NSD1: variants seen among roughly 807,000 people sequenced by gnomAD.
NSD1 encodes the protein histone-lysine N-methyltransferase, H3 lysine-36 specific.
A neutral mutation model predicts 242.7 loss-of-function variants in NSD1; 26 were observed. The observed-to-expected ratio is 0.11, with a 90% CI of 0.08 to 0.15. NSD1 has a LOEUF of 0.15. NSD1 is among the 10% of genes least tolerant of loss of function. The pLI, the probability that NSD1 is intolerant of heterozygous loss-of-function variation, is 1.00. For synonymous variants in NSD1, 1,106 were observed against 1,178.1 expected (o/e 0.94, Z 1.25); for missense variants, 2,495 against 3,272.8 (o/e 0.76, Z 5.80).
intron 17 of NSD1, among the ~76,000 whole-genome samples, chr5:177,276,649 C>G (rs543219785): frequency 6.8e-4 from 104 of 152,130 alleles, no homozygotes; most frequent in African/African-American, 2.4e-3. Flanking sequence ...TTTTCTCCCC[C>G]CCTTTATTAG....
chr5:177,260,252 T>C lies in NSD1; in HGVS notation c.5146+84T>C, dbSNP rs141637983. The C allele has an allele frequency of 1.1e-3, 1,383 of 1,300,054 alleles. 11 individuals carry two copies. The African/African-American group carries it at 0.015, about 14-fold the overall frequency. The allele number at this position is 1,300,054 out of a possible 1,614,324, so 80.5% of individuals were successfully genotyped here. ...ATTGGAACAAAAATACTTTTCATCA[T>C]ATTGCCACTGGAAAAAATATTAGAA... On this transcript the variant is annotated intron_variant, in intron 14 of 22. Transcript: ENST00000439151.
intron 14 of NSD1, among the ~76,000 whole-genome samples, chr5:177,263,032 A>G (rs1457445169): frequency 6.6e-6 from 1 of 152,126 alleles, no homozygotes; most frequent in African/African-American, 2.4e-5. Context: ...ATGACCTGGA[A>G]CCCCAACCCC....
At chr5:177,246,545 C>A (rs934478370) in intron 9 of NSD1, 133 bp from the exon 10 acceptor site, 3 of 705,996 alleles carry the variant, frequency 4.2e-6, no homozygotes, top group Non-Finnish European at 7.9e-6. Flanking sequence ...ATTATTATTT[C>A]CCCCGTTTTC....
rs1235429660 is a variant in NSD1, at chr5:177,135,195, CT to C, written c.95del (p.Phe32SerfsTer50). On this transcript the variant is annotated frameshift_variant, in exon 2 of 23. Transcript: ENST00000439151. LOFTEE classifies it high-confidence loss of function. ...NLDAPEDKDSPFGNGQSNFSE... is the reference protein window; with the variant it reads ...NLDAPEDKDSXFGNGQSNFSE... ...GATGCCCCTGAAGACAAGGACAGCC[CT>C]TTCGGTAATGGTCAATCCAATTTTT... 6.2e-7 allele frequency: 1 copy of C among 1,613,938 alleles called. No individual in the cohort carries two copies. The highest frequency in any genetic ancestry group is 1.1e-5 in the South Asian group (1 of 91,076).
upstream of NSD1, chr5:177,133,697 C>A (rs1360570475): frequency 6.7e-6 from 1 of 148,536 alleles, no homozygotes; most frequent in African/African-American, 2.4e-5. This position sits in a 1 kb window ranked among gnomAD's most constrained non-coding sequence, Gnocchi z 6.2. Flanking sequence ...GGGGCCCAGC[C>A]GCACGCGGGC....
At chr5:177,239,025 C>T (rs779612690) in intron 7 of NSD1, among the ~76,000 whole-genome samples, 2 of 152,166 alleles carry the variant, frequency 1.3e-5, no homozygotes, top group Non-Finnish European at 2.9e-5. Context: ...TTATATATCA[C>T]CTGGGGAGAG....
At chr5:177,177,671 A>G (rs555478494) in intron 2 of NSD1, among the ~76,000 whole-genome samples, 3 of 152,064 alleles carry the variant, frequency 2.0e-5, no homozygotes, top group Admixed American at 1.3e-4. Flanking sequence ...AAAAAATATC[A>G]GTATTAGATT....
chr5:177,222,679 A>C (rs1049840813), intron 5 of NSD1, among the ~76,000 whole-genome samples: 1 of 152,086 alleles, frequency 6.6e-6, no homozygotes, highest in Non-Finnish European at 1.5e-5. Flanking sequence ...ACTATATTTT[A>C]ATTGGGGCTT....
At chr5:177,173,291 C>CA (rs60043429) in intron 2 of NSD1, among the ~76,000 whole-genome samples, 75 of 96,924 alleles carry the variant, frequency 7.7e-4, no homozygotes, top group Middle Eastern at 5.6e-3. Flanking sequence ...GACTCTGTCT[C>CA]AAAAAAAAAA....
intron 2 of NSD1, among the ~76,000 whole-genome samples, chr5:177,178,259 T>A (rs1255345285): frequency 6.6e-6 from 1 of 152,044 alleles, no homozygotes; most frequent in Admixed American, 6.6e-5. Context: ...GGAGTTTTGC[T>A]GTTGTTGCCT....
intron 5 of NSD1, among the ~76,000 whole-genome samples, chr5:177,222,276 G>A (rs1342295163): frequency 2.0e-5 from 3 of 152,026 alleles, no homozygotes; most frequent in South Asian, 4.2e-4. Flanking sequence ...CTACAGGCGC[G>A]CACCACCACG....
intron 17 of NSD1, among the ~76,000 whole-genome samples, chr5:177,274,126 C>T (rs1346932514): frequency 6.6e-6 from 1 of 152,056 alleles, no homozygotes; most frequent in Non-Finnish European, 1.5e-5. Flanking sequence ...TACACTCAAG[C>T]CTGGGCGACA....
At chr5:177,240,536 AC>A (rs1160767063) in intron 8 of NSD1, among the ~76,000 whole-genome samples, 2 of 150,954 alleles carry the variant, frequency 1.3e-5, no homozygotes, top group African/African-American at 2.4e-5. Context: ...ACATGGAGAA[AC>A]CCCCTCTCTA....
At chr5:177,250,746 C>T (rs1018020712) in intron 11 of NSD1, among the ~76,000 whole-genome samples, 2 of 152,130 alleles carry the variant, frequency 1.3e-5, no homozygotes, top group African/African-American at 4.8e-5. Context: ...TCCAGGCTAC[C>T]TCTCTAACCT....
At chr5:177,239,377 G>A (rs1379222851) in intron 7 of NSD1, among the ~76,000 whole-genome samples, 1 of 152,182 alleles carries the variant, frequency 6.6e-6, no homozygotes, top group African/African-American at 2.4e-5. Flanking sequence ...CTTAGGGGCA[G>A]AGCAGAAACT....
At chr5:177,239,994 A>G (rs758978095) in intron 8 of NSD1, 129 bp downstream of exon 8, 10 of 632,944 alleles carry the variant, frequency 1.6e-5, no homozygotes, top group Non-Finnish European at 2.8e-5. Context: ...GTCAGCAGTC[A>G]TACATGATCT....
chr5:177,159,690 CG>C (rs1758577112), intron 2 of NSD1, among the ~76,000 whole-genome samples: 1 of 150,614 alleles, frequency 6.6e-6, no homozygotes, highest in Non-Finnish European at 1.5e-5. Context: ...CCGCCTCCCA[CG>C]TTCAAGCAAT....
At chr5:177,207,909 T>A (rs1169255503) in intron 4 of NSD1, among the ~76,000 whole-genome samples, 1 of 151,316 alleles carries the variant, frequency 6.6e-6, no homozygotes, top group African/African-American at 2.4e-5. Flanking sequence ...CCAGCTAGTG[T>A]GTGTGTGTGT....
rs369472314 is a variant in NSD1 at position 177,218,872 on chromosome 5, C to G, written c.3796+6677C>G. 2.2e-4 allele frequency among the ~76,000 whole-genome samples: 33 copies of G among 151,206 alleles called. No individual in the cohort carries two copies. The East Asian group carries it at 4.9e-3, about 22-fold the overall frequency. On this transcript the variant is annotated intron_variant, in intron 5 of 22. Coordinates refer to ENST00000439151, the MANE Select transcript of NSD1 (RefSeq NM_022455.5). ...GCATGAGCCACCGCGCCCGGCCCCCCCTTTTTTTTTTCTCCAGCTGGCCCT... is the reference window on the plus strand; with the variant it reads ...GCATGAGCCACCGCGCCCGGCCCCCGCTTTTTTTTTTCTCCAGCTGGCCCT...
Sources: allele counts gnomAD v4.1 joint callset (sites outside exome capture counted in the v4.1 genomes callset), GRCh38; gene constraint gnomAD v4.1.1; non-coding constraint Gnocchi (gnomAD v3.1); transcripts MANE v1.5; gene names NCBI Gene and HGNC (gene_info 2026-07-23, HGNC 2026-07-21).